SMARCAD1: variants seen among roughly 807,000 people sequenced by gnomAD.
SMARCAD1 encodes SWI/SNF-related matrix-associated actin-dependent regulator of chromatin subfamily A containing DEAD/H box 1.
In SMARCAD1, 25 loss-of-function variants were observed where a neutral mutation model predicts 127.1. The observed-to-expected ratio is 0.20, with a 90% CI of 0.14 to 0.27. The LOEUF is 0.27. SMARCAD1 is among the 10% of genes least tolerant of loss of function. The pLI, the probability that SMARCAD1 is intolerant of heterozygous loss-of-function variation, is 1.00. For missense variants in SMARCAD1, 807 were observed against 1,206.0 expected (o/e 0.67, Z 4.90); for synonymous variants, 400 against 396.9 (o/e 1.01, Z -0.09).
In SMARCAD1 at chr4:94,273,593, T is replaced by A. The variant is rs757965766; in HGVS notation, c.1573-24T>A. On this transcript the variant is annotated intron_variant, in intron 11 of 23. Coordinates refer to ENST00000354268, the MANE Select transcript of SMARCAD1 (RefSeq NM_020159.5). ...ATTTTTTGTTTGTTTTAAAATGTTA[T>A]ATATTGTCTTTTAAACTTTTTAGGG... 5.3e-6 allele frequency: 8 copies of A among 1,515,798 alleles called. No homozygotes were observed. In the African/African-American group the frequency reaches 1.1e-4, roughly 21 times the overall value. 93.9% of individuals were successfully genotyped at this position (1,515,798 alleles called of 1,614,324 possible).
intron 20 of SMARCAD1, 24 bp downstream of exon 20, chr4:94,280,804 T>G: frequency 6.2e-7 from 1 of 1,609,380 alleles, no homozygotes. Flanking sequence ...ATGGCGTTTC[T>G]TTTGTATTTT....
At chr4:94,288,889 C>G (rs969797688) in intron 23 of SMARCAD1, among the ~76,000 whole-genome samples, 1 of 152,050 alleles carries the variant, frequency 6.6e-6, no homozygotes, top group Non-Finnish European at 1.5e-5. Context: ...TTTAGAAAAT[C>G]TCAAATAATT....
intron 10 of SMARCAD1, among the ~76,000 whole-genome samples, chr4:94,269,017 G>GTAAAGACAGAATTAGAAAATTA (rs1471551223): frequency 6.6e-6 from 1 of 152,100 alleles, no homozygotes; most frequent in Admixed American, 6.6e-5. Flanking sequence ...CAAAAGAATT[G>GTAAAGACAGAATTAGAAAATTA]TAAAGACAGA....
At chr4:94,249,450 C>G (rs947867752) in intron 6 of SMARCAD1, among the ~76,000 whole-genome samples, 1 of 151,984 alleles carries the variant, frequency 6.6e-6, no homozygotes, top group Non-Finnish European at 1.5e-5. Flanking sequence ...CAATCAGGGT[C>G]TTTCAGTGAT....
intron 3 of SMARCAD1, among the ~76,000 whole-genome samples, chr4:94,230,418 C>T (rs1745661570): frequency 1.3e-5 from 2 of 151,988 alleles, no homozygotes; most frequent in African/African-American, 4.8e-5. Context: ...TTATTTTTTG[C>T]AACTCCATAG....
intron 3 of SMARCAD1, among the ~76,000 whole-genome samples, chr4:94,230,098 T>C (rs980514522): frequency 6.6e-6 from 1 of 152,154 alleles, no homozygotes; most frequent in Non-Finnish European, 1.5e-5. Context: ...TTTGTATTCC[T>C]TTTAGGGTTT....
chr4:94,247,669 A>G (rs906374781), intron 6 of SMARCAD1, among the ~76,000 whole-genome samples: 3 of 152,110 alleles, frequency 2.0e-5, no homozygotes, highest in African/African-American at 7.2e-5. Flanking sequence ...ATACCCATTA[A>G]GCAGTTTCTC....
At chr4:94,239,965 C>T (rs1747329574) in intron 5 of SMARCAD1, among the ~76,000 whole-genome samples, 1 of 152,090 alleles carries the variant, frequency 6.6e-6, no homozygotes, top group African/African-American at 2.4e-5. Context: ...TAAAATATTA[C>T]ATTTAGAATA....
At chr4:94,273,585 A>T (rs764923887) in intron 11 of SMARCAD1, 32 bp from the exon 12 acceptor site, 1 of 1,481,896 alleles carries the variant, frequency 6.7e-7, no homozygotes, top group Non-Finnish European at 9.4e-7. Flanking sequence ...GTTTGTTTTA[A>T]AATGTTATAT....
chr4:94,286,982 A>C (rs1481652771), intron 23 of SMARCAD1, among the ~76,000 whole-genome samples: 1 of 152,096 alleles, frequency 6.6e-6, no homozygotes, highest in East Asian at 1.9e-4. Flanking sequence ...CTCCTGCCTC[A>C]GCCTCCCAAA....
At chr4:94,251,325 A>G (rs1749240604) in intron 8 of SMARCAD1, among the ~76,000 whole-genome samples, 1 of 152,218 alleles carries the variant, frequency 6.6e-6, no homozygotes, top group African/African-American at 2.4e-5. Context: ...GGTAAGGAAG[A>G]GTTGAGTCAT....
At chr4:94,221,907 TTG>T (rs1744200692) in intron 2 of SMARCAD1, among the ~76,000 whole-genome samples, 1 of 152,064 alleles carries the variant, frequency 6.6e-6, no homozygotes, top group South Asian at 2.1e-4. Flanking sequence ...AGCAATAAAT[TTG>T]AGAAGAAATG....
intron 22 of SMARCAD1, among the ~76,000 whole-genome samples, chr4:94,284,582 T>G (rs960417542): frequency 1.3e-5 from 2 of 150,266 alleles, no homozygotes; most frequent in South Asian, 2.1e-4. Flanking sequence ...TTTTGTTTTT[T>G]TTTTTTTTCG....
At chr4:94,220,422 A>G (rs1321129910) in intron 2 of SMARCAD1, among the ~76,000 whole-genome samples, 2 of 151,820 alleles carry the variant, frequency 1.3e-5, no homozygotes, top group Non-Finnish European at 2.9e-5. Context: ...TAATTTTTGT[A>G]TTTTTAGTAG....
intron 9 of SMARCAD1, among the ~76,000 whole-genome samples, chr4:94,263,866 C>T (rs890394919): frequency 2.0e-5 from 3 of 151,828 alleles, no homozygotes; most frequent in Non-Finnish European, 4.4e-5. Flanking sequence ...ACTTTCTCAT[C>T]CTTTCCACTA....
intron 2 of SMARCAD1, among the ~76,000 whole-genome samples, chr4:94,220,982 T>C (rs1413439365): frequency 6.6e-6 from 1 of 152,238 alleles, no homozygotes; most frequent in African/African-American, 2.4e-5. Flanking sequence ...TCACGTTTCT[T>C]TCCCAGAACA....
rs542240185 is a variant in SMARCAD1, at chr4:94,291,172, T to G, written c.*1638T>G. ...GTATTTTCAATGATAGGCTGTTTCT[T>G]TTTTTGTTGTTATTGTTGTTGTTGT... On this transcript the variant is annotated 3_prime_UTR_variant, in exon 24 of 24. Transcript: ENST00000354268. 284 of 453,790 alleles carry G rather than the reference T, an allele frequency of 6.3e-4. 2 individuals carry two copies. Among genetic ancestry groups the G allele is most frequent in the African/African-American group, 5.4e-3 (271 of 50,076 alleles). The allele number at this position is 453,790 out of a possible 1,614,324, so 28.1% of individuals were successfully genotyped here.
At chr4:94,226,002 T>C (rs1744926768) in intron 2 of SMARCAD1, 117 bp from the exon 3 acceptor site, 4 of 905,590 alleles carry the variant, frequency 4.4e-6, no homozygotes, top group Non-Finnish European at 6.7e-6. Flanking sequence ...GTGAGAATTT[T>C]GATTTTTAGA....
At chr4:94,251,470 T>C (rs1749260519) in intron 8 of SMARCAD1, among the ~76,000 whole-genome samples, 1 of 152,170 alleles carries the variant, frequency 6.6e-6, no homozygotes, top group African/African-American at 2.4e-5. Context: ...TTTAAAAGGC[T>C]ATACTACCAA....
Sources: gnomAD v4.1 joint callset for allele counts (sites outside exome capture counted in the v4.1 genomes callset) on GRCh38, gnomAD v4.1.1 for gene constraint, MANE v1.5 for transcripts, NCBI Gene and HGNC (gene_info 2026-07-23, HGNC 2026-07-21) for gene names.